PDE4D: variants seen among roughly 807,000 people sequenced by gnomAD.
The protein encoded by PDE4D is 3',5'-cyclic-AMP phosphodiesterase 4D.
In PDE4D, 24 loss-of-function variants were observed where a neutral mutation model predicts 87.4. The ratio of observed to expected loss-of-function variants is 0.27; its 90% CI spans 0.20 to 0.39. PDE4D has a LOEUF of 0.39. Among genes scored for constraint, PDE4D ranks in the 10% least tolerant of loss-of-function variants. PDE4D has a pLI of 1.00. For synonymous variants in PDE4D, 384 were observed against 383.2 expected, an observed-to-expected ratio of 1.00 and a Z score of -0.02; for missense variants, 714 against 1,041.0, an observed-to-expected ratio of 0.69 and a Z score of 4.32.
intron 1 of PDE4D, among the ~76,000 whole-genome samples, chr5:59,641,882 A>T (rs772116491): frequency 6.6e-6 from 1 of 152,208 alleles, no homozygotes; most frequent in African/African-American, 2.4e-5. Context: ...TTGCAATATT[A>T]AATGTACATT....
chr5:60,100,952 G>C (rs1208924454), intron 2 of PDE4D, among the ~76,000 whole-genome samples: 1 of 152,022 alleles, frequency 6.6e-6, no homozygotes, highest in East Asian at 1.9e-4. Context: ...AAGGTAATTG[G>C]AATTAACAGC....
rs1490409984 is a variant in PDE4D at position 60,326,407 on chromosome 5, A to G, written c.-89-140720T>C. ...CCTTTAAAGGTAAAAGATAAGTATA[A>G]GGACTTGCCTAAAATCAGGGATAAC... is the stretch of plus-strand genomic sequence containing the variant. On this transcript the variant is annotated intron_variant, in intron 1 of 16. Coordinates refer to the PDE4D transcript ENST00000502484. Among the ~76,000 whole-genome samples, 2 of 152,154 alleles carry G rather than the reference A, an allele frequency of 1.3e-5. 1 individual carries two copies. Among genetic ancestry groups the G allele is most frequent in the Admixed American group, 1.3e-4 (2 of 15,282 alleles).
intron 1 of PDE4D, among the ~76,000 whole-genome samples, chr5:59,823,295 A>G (rs79285263): frequency 0.023 from 3,563 of 152,314 alleles, 136 homozygotes; most frequent in African/African-American, 0.082. Flanking sequence ...CCAAGGGCCA[A>G]TAAAGCAATT....
At chr5:60,076,963 G>A (rs1295172834) in intron 2 of PDE4D, among the ~76,000 whole-genome samples, 2 of 152,210 alleles carry the variant, frequency 1.3e-5, no homozygotes, top group Admixed American at 6.5e-5. Flanking sequence ...ACCAGTGACT[G>A]TGTGTGCATT....
At chr5:59,874,393 A>G (rs2152740207) in intron 1 of PDE4D, among the ~76,000 whole-genome samples, 1 of 152,306 alleles carries the variant, frequency 6.6e-6, no homozygotes, top group East Asian at 1.9e-4. Flanking sequence ...TGAATACTGG[A>G]GAATTCTAAT....
At chr5:59,069,526 T>TC (rs1554060889) in intron 5 of PDE4D, among the ~76,000 whole-genome samples, 11,648 of 151,206 alleles carry the variant, frequency 0.077, 536 homozygotes, top group Middle Eastern at 0.12. Context: ...TTTTTTTTTT[T>TC]CCCTAATCCC....
chr5:59,884,206 C>G (rs939751646), intron 1 of PDE4D, among the ~76,000 whole-genome samples: 2 of 151,942 alleles, frequency 1.3e-5, no homozygotes, highest in African/African-American at 4.8e-5. Flanking sequence ...GTCTCTCTCT[C>G]TCTACATATA....
chr5:59,599,012 G>A (rs976437608), intron 1 of PDE4D, among the ~76,000 whole-genome samples: 6 of 152,114 alleles, frequency 3.9e-5, no homozygotes, highest in African/African-American at 1.4e-4. Context: ...TCCATTTGCT[G>A]GAGCAGAGGT....
At chr5:59,434,282 G>T (rs1335180120) in intron 1 of PDE4D, among the ~76,000 whole-genome samples, 1 of 146,510 alleles carries the variant, frequency 6.8e-6, no homozygotes, top group Non-Finnish European at 1.5e-5. Flanking sequence ...TCCTAAAGAA[G>T]TCTCATCTTT....
chr5:59,692,139 C>T (rs772823204), intron 1 of PDE4D, among the ~76,000 whole-genome samples: 16 of 152,044 alleles, frequency 1.1e-4, no homozygotes, highest in South Asian at 2.1e-4. Flanking sequence ...GGTTCTGATA[C>T]GTAGAATATC....
chr5:60,311,327 G>C (rs1437499600), intron 1 of PDE4D, among the ~76,000 whole-genome samples: 1 of 152,148 alleles, frequency 6.6e-6, no homozygotes. Flanking sequence ...CGGCTGGCAA[G>C]TCACCTTCAA....
chr5:59,338,674 T>A (rs779015474), intron 1 of PDE4D, among the ~76,000 whole-genome samples: 4 of 152,210 alleles, frequency 2.6e-5, no homozygotes, highest in Non-Finnish European at 2.9e-5. Flanking sequence ...ATGAAAGGCG[T>A]GTGGTTAGGG....
At chr5:59,134,780 CT>C (rs1485777073) in intron 5 of PDE4D, among the ~76,000 whole-genome samples, 7 of 152,290 alleles carry the variant, frequency 4.6e-5, no homozygotes, top group African/African-American at 1.4e-4. Flanking sequence ...TGAGGGTGGT[CT>C]TCAACACCAA....
intron 1 of PDE4D, among the ~76,000 whole-genome samples, chr5:59,224,908 C>T (rs1185197208): frequency 6.6e-6 from 1 of 152,172 alleles, no homozygotes; most frequent in African/African-American, 2.4e-5. Context: ...ATTGTGAGAA[C>T]ATTTCTGTTT....
chr5:59,915,381 A>C (rs1323932535), intron 3 of PDE4D, among the ~76,000 whole-genome samples: 1 of 152,192 alleles, frequency 6.6e-6, no homozygotes, highest in Non-Finnish European at 1.5e-5. Flanking sequence ...AGATGGTGCA[A>C]TCACAATTAA....
intron 1 of PDE4D, among the ~76,000 whole-genome samples, chr5:59,289,985 A>T (rs183568457): frequency 6.6e-6 from 1 of 152,040 alleles, no homozygotes; most frequent in Non-Finnish European, 1.5e-5. Context: ...GTCTACAATG[A>T]TCTATCAACT....
chr5:59,223,223 C>T (rs1202829439), intron 1 of PDE4D, among the ~76,000 whole-genome samples: 1 of 152,140 alleles, frequency 6.6e-6, no homozygotes, highest in Non-Finnish European at 1.5e-5. Context: ...CTAGATATTA[C>T]TCACTGAGGA....
intron 1 of PDE4D, among the ~76,000 whole-genome samples, chr5:59,318,091 A>G (rs1264055955): frequency 6.6e-6 from 1 of 152,182 alleles, no homozygotes; most frequent in East Asian, 1.9e-4. Context: ...AGAGAAAGGG[A>G]TGGATTTCTA....
intron 1 of PDE4D, among the ~76,000 whole-genome samples, chr5:59,632,931 A>C (rs1831756046): frequency 6.6e-6 from 1 of 152,154 alleles, no homozygotes; most frequent in Non-Finnish European, 1.5e-5. Flanking sequence ...GTAATAACAA[A>C]CTCCTCCAAG....
Sources: gnomAD v4.1 joint callset for allele counts (sites outside exome capture counted in the v4.1 genomes callset) on GRCh38, gnomAD v4.1.1 for gene constraint, MANE v1.5 for transcripts, NCBI Gene and HGNC (gene_info 2026-07-23, HGNC 2026-07-21) for gene names.